ALOX5AP: variants seen among roughly 807,000 people sequenced by gnomAD.
The protein encoded by ALOX5AP is arachidonate 5-lipoxygenase-activating protein.
ALOX5AP carries 9 observed loss-of-function variants against 18.5 expected under a neutral mutation model. That is an observed-to-expected ratio of 0.49 (90% CI 0.29 to 0.85). The LOEUF (loss-of-function observed/expected upper bound fraction) is 0.85, where lower values mean the gene tolerates loss of function less well. Ranked by LOEUF, ALOX5AP falls within the 40% of genes least tolerant of loss-of-function variation. The pLI is 0.08. For missense variants in ALOX5AP, 172 were observed against 202.5 expected, an observed-to-expected ratio of 0.85 and a Z score of 0.91; for synonymous variants, 81 against 78.6, an observed-to-expected ratio of 1.03 and a Z score of -0.16.
At chr13:30,758,867 T>A (rs1162983521) in intron 4 of ALOX5AP, among the ~76,000 whole-genome samples, 1 of 151,840 alleles carries the variant, frequency 6.6e-6, no homozygotes, top group African/African-American at 2.4e-5. Flanking sequence ...CAAACTGGAG[T>A]GCAGTGGCCT....
chr13:30,751,145 C>G (rs983027470), intron 2 of ALOX5AP, among the ~76,000 whole-genome samples: 1 of 152,136 alleles, frequency 6.6e-6, no homozygotes, highest in Non-Finnish European at 1.5e-5. Flanking sequence ...CTCGCTGCAA[C>G]CTCCGCCTCC....
chr13:30,750,360 TA>T (rs1951842873), intron 2 of ALOX5AP, among the ~76,000 whole-genome samples: 1 of 152,206 alleles, frequency 6.6e-6, no homozygotes, highest in South Asian at 2.1e-4. Flanking sequence ...CTTTCCTCTG[TA>T]TTTATTTCCC....
intron 1 of ALOX5AP, among the ~76,000 whole-genome samples, chr13:30,743,169 T>C (rs1951781290): frequency 6.6e-6 from 1 of 152,036 alleles, no homozygotes. Context: ...TCAATGGTCA[T>C]CTTCTTGAAG....
At chr13:30,744,009 G>C (rs757606428) in intron 1 of ALOX5AP, 51 bp from the exon 2 acceptor site, 3 of 1,482,788 alleles carry the variant, frequency 2.0e-6, no homozygotes, top group Non-Finnish European at 2.8e-6. Context: ...GAAGTAACAG[G>C]CTCCTGAACA....
intron 1 of ALOX5AP, among the ~76,000 whole-genome samples, chr13:30,715,703 T>C (rs1486329331): frequency 1.3e-5 from 2 of 152,196 alleles, no homozygotes; most frequent in African/African-American, 4.8e-5. Flanking sequence ...TGAGGATATG[T>C]TCAGATGCCG....
upstream of ALOX5AP, among the ~76,000 whole-genome samples, chr13:30,731,130 G>A (rs1022631326): frequency 9.2e-5 from 14 of 152,178 alleles, no homozygotes; most frequent in African/African-American, 3.1e-4. Context: ...TTCCCGTGAA[G>A]TGTATATGTC....
chr13:30,743,166 T>G lies in ALOX5AP; in HGVS notation c.71-894T>G, dbSNP rs529570948. ...AGGCCCCAGGGGCAAATCTCAATGG[T>G]CATCTTCTTGAAGACCTGGCTCAGT... On this transcript the variant is annotated intron_variant, in intron 1 of 4. Transcript: ENST00000380490. 4.1e-4 allele frequency among the ~76,000 whole-genome samples: 62 copies of G among 152,100 alleles called. No individual in the cohort carries two copies. The East Asian group carries it at 0.012, about 29-fold the overall frequency.
At chr13:30,754,565 T>C (rs990072001) in intron 3 of ALOX5AP, among the ~76,000 whole-genome samples, 9 of 152,230 alleles carry the variant, frequency 5.9e-5, no homozygotes, top group African/African-American at 1.9e-4. Context: ...TGGCTATTTA[T>C]GACCTACAAA....
At chr13:30,714,925 G>T (rs1292068971) in intron 1 of ALOX5AP, among the ~76,000 whole-genome samples, 1 of 152,176 alleles carries the variant, frequency 6.6e-6, no homozygotes, top group African/African-American at 2.4e-5. Context: ...CCCGCTTAGA[G>T]CTGTGTCAAG....
intron 1 of ALOX5AP, among the ~76,000 whole-genome samples, chr13:30,720,358 C>T (rs888520264): frequency 1.3e-5 from 2 of 152,200 alleles, no homozygotes; most frequent in Non-Finnish European, 2.9e-5. Flanking sequence ...GTGAGAACAT[C>T]TGTTTTTCTT....
intron 1 of ALOX5AP, among the ~76,000 whole-genome samples, chr13:30,739,085 C>T (rs1282606944): frequency 6.6e-6 from 1 of 151,938 alleles, no homozygotes; most frequent in African/African-American, 2.4e-5. Flanking sequence ...CCCCCAACCA[C>T]CCCCCTCCAC....
chr13:30,725,456 C>A (rs1951631993), intron 1 of ALOX5AP, among the ~76,000 whole-genome samples: 1 of 152,334 alleles, frequency 6.6e-6, no homozygotes, highest in African/African-American at 2.4e-5. Flanking sequence ...GGGGGCAGGG[C>A]TATGTATGGA....
At chr13:30,762,783 G>A (rs1951952854) in intron 4 of ALOX5AP, among the ~76,000 whole-genome samples, 2 of 152,106 alleles carry the variant, frequency 1.3e-5, no homozygotes, top group Admixed American at 1.3e-4. Context: ...GTGCGGTCCT[G>A]ATTGCCTAAA....
chr13:30,738,471 T>C (rs1486837663), intron 1 of ALOX5AP, among the ~76,000 whole-genome samples: 1 of 152,212 alleles, frequency 6.6e-6, no homozygotes, highest in Non-Finnish European at 1.5e-5. Context: ...AAAGGCTTTA[T>C]TGCAAGGCTG....
At chr13:30,722,960 C>T (rs1337730489) in intron 1 of ALOX5AP, among the ~76,000 whole-genome samples, 1 of 152,200 alleles carries the variant, frequency 6.6e-6, no homozygotes, top group Non-Finnish European at 1.5e-5. Flanking sequence ...TGGTTCCATG[C>T]TTCTTGTACA....
At chr13:30,717,591 T>G (rs1951559475) in intron 1 of ALOX5AP, among the ~76,000 whole-genome samples, 1 of 152,220 alleles carries the variant, frequency 6.6e-6, no homozygotes, top group Non-Finnish European at 1.5e-5. Flanking sequence ...ACCAGTTTAT[T>G]GCGAAGGACA....
intron 4 of ALOX5AP, among the ~76,000 whole-genome samples, chr13:30,759,109 C>A (rs1566089762): frequency 6.6e-6 from 1 of 152,142 alleles, no homozygotes; most frequent in Non-Finnish European, 1.5e-5. Flanking sequence ...ATAAGCCACC[C>A]ATGATGCCCA....
intron 1 of ALOX5AP, among the ~76,000 whole-genome samples, chr13:30,721,709 G>GT (rs1280898617): frequency 2.0e-5 from 3 of 152,132 alleles, no homozygotes; most frequent in Non-Finnish European, 4.4e-5. Context: ...AAATCCTCAA[G>GT]TGGCTTCTCT....
intron 3 of ALOX5AP, among the ~76,000 whole-genome samples, chr13:30,753,644 T>C (rs1593442927): frequency 1.3e-5 from 2 of 152,338 alleles, no homozygotes; most frequent in East Asian, 3.9e-4. Flanking sequence ...CCTCACTTTA[T>C]AGAGCAGAAG....
Sources: allele counts gnomAD v4.1 joint callset (sites outside exome capture counted in the v4.1 genomes callset), GRCh38; gene constraint gnomAD v4.1.1; transcripts MANE v1.5; gene names NCBI Gene and HGNC (gene_info 2026-07-23, HGNC 2026-07-21).